The following CA14 variants were observed in gnomAD, a reference collection of about 807,000 sequenced individuals.
CA14 encodes carbonic anhydrase 14.
Under a neutral mutation model 48.8 loss-of-function variants are expected in CA14, and 44 were observed. The ratio of observed to expected loss-of-function variants is 0.90; its 90% CI spans 0.71 to 1.16. The LOEUF is 1.16. Among genes scored for constraint, CA14 ranks in the 50% most tolerant of loss-of-function variants. CA14 has a pLI of 0.00. For missense variants in CA14, 386 were observed against 401.0 expected (o/e 0.96, Z 0.32); for synonymous variants, 154 against 155.0 (o/e 0.99, Z 0.05).
chr1:150,261,599 G>C lies in CA14; in HGVS notation c.217G>C (p.Gly73Arg). The C allele has an allele frequency of 2.5e-6, 4 of 1,614,160 alleles. No individual in the cohort carries two copies. The highest frequency in any genetic ancestry group is 3.4e-6 in the Non-Finnish European group (4 of 1,180,038). The change falls in exon 3 of 11, where the codon GGC (glycine) becomes CGC (arginine). Residue 73 changes from glycine to arginine, a missense_variant. Transcript: ENST00000369111. Reference protein sequence around the residue: ...ALQPHGYDQPGTEPLDLHNNG... With the variant: ...ALQPHGYDQPRTEPLDLHNNG... ...GCAGCCCCACGGATATGACCAGCCT[G>C]GCACCGAGCCTTTGGACCTGCACAA...
intron 10 of CA14, 149 bp from the exon 11 acceptor site, chr1:150,264,444 C>G (rs1208682986): frequency 3.6e-6 from 2 of 550,642 alleles, no homozygotes; most frequent in Non-Finnish European, 6.5e-6. Flanking sequence ...CTCAAGTGAT[C>G]CGCCCGCCTC....
chr1:150,264,528 C>T, intron 10 of CA14, 65 bp from the exon 11 acceptor site: 2 of 923,022 alleles, frequency 2.2e-6, no homozygotes, highest in Admixed American at 1.8e-5. Flanking sequence ...AAGCATTCTC[C>T]TATTTCACCT....
chr1:150,262,327 C>G (rs1553848054), intron 4 of CA14, 27 bp downstream of exon 4: 1 of 1,578,368 alleles, frequency 6.3e-7, no homozygotes, highest in Non-Finnish European at 8.6e-7. Flanking sequence ...AGCTGGGACT[C>G]AGACAAAGTA....
chr1:150,259,388 G>A (rs974076888), intron 1 of CA14, among the ~76,000 whole-genome samples: 3 of 152,116 alleles, frequency 2.0e-5, no homozygotes, highest in Admixed American at 6.5e-5. Context: ...AGGACTGCAC[G>A]AGAGCCTGGC....
In CA14 at chr1:150,263,877, C is replaced by A. The variant is rs782689951; in HGVS notation, c.946C>A (p.Arg316=). Residue 316 remains arginine (R), a splice_region_variant and synonymous_variant, in exon 10 of 11, where the codon CGG becomes AGG. Coordinates refer to ENST00000369111, the MANE Select transcript of CA14 (RefSeq NM_012113.3). The stretch of plus-strand genomic sequence containing the variant: ...TGTTTATTTCATTGCTAGAAAGATT[C>A]GGTGAGGCCCTACTTTCCATTCCTC... ...LAVYFIARKI[R]KKRLENRKSV... 2 of 1,575,176 alleles carry A rather than the reference C, an allele frequency of 1.3e-6. No homozygotes were observed. Among genetic ancestry groups the A allele is most frequent in the Admixed American group, 3.4e-5 (2 of 59,594 alleles).
intron 4 of CA14, 78 bp from the exon 5 acceptor site, chr1:150,262,447 G>A: frequency 1.4e-6 from 2 of 1,478,522 alleles, no homozygotes; most frequent in Admixed American, 1.7e-5. Context: ...GGACAGCGGG[G>A]GGATGGTGGC....
chr1:150,263,206 G>A lies in CA14; in HGVS notation c.720+7G>A. 6.2e-7 allele frequency: 1 copy of A among 1,614,078 alleles called. No homozygotes were observed. Among genetic ancestry groups the A allele is most frequent in the Non-Finnish European group, 8.5e-7 (1 of 1,179,986 alleles). On this transcript the variant is annotated splice_region_variant and intron_variant, in intron 7 of 10. Transcript: ENST00000369111. Reference sequence around the variant, plus strand: ...CCAGATTTCAATGGAACAGGTAAGTGGTGGAGAAACGAGGTGAGGTGAGAC... The same window carrying A: ...CCAGATTTCAATGGAACAGGTAAGTAGTGGAGAAACGAGGTGAGGTGAGAC...
At position 150,262,237 on chromosome 1, in the gene CA14, G is replaced by A. The variant is rs1651100493; in HGVS notation, c.336G>A (p.Trp112Ter). 6.2e-7 allele frequency: 1 copy of A among 1,613,442 alleles called. No individual in the cohort carries two copies. The highest frequency in any genetic ancestry group is 2.2e-5 in the East Asian group (1 of 44,864). The change falls in exon 4 of 11, where the codon TGG becomes TGA. Residue 112 changes from tryptophan (W) to a stop codon, truncating the protein, a stop_gained. Transcript: ENST00000369111. LOFTEE classifies it high-confidence loss of function. The part of the protein sequence containing the change: ...KYVAAQLHLH[W>*]GQKGSPGGSE... ...TAGCTGCCCAGCTCCACCTGCACTG[G>A]GGTCAGAAAGGATCCCCAGGGGGGT... is the stretch of plus-strand genomic sequence containing the variant.
chr1:150,263,731 G>C (rs782155166), intron 9 of CA14, 52 bp downstream of exon 9: 2 of 1,612,520 alleles, frequency 1.2e-6, no homozygotes, highest in East Asian at 2.2e-5. Flanking sequence ...CTCACCGAGT[G>C]GGGGAAAGGC....
At chr1:150,264,005 AACCTCT>A in intron 10 of CA14, 127 bp downstream of exon 10, 1 of 706,080 alleles carries the variant, frequency 1.4e-6, no homozygotes, top group Non-Finnish European at 2.4e-6. Flanking sequence ...AGCTCACTGC[AACCTCT>A]GCCTTCTGGG....
chr1:150,258,118 C>T lies in CA14; in HGVS notation c.-11C>T. 6.2e-7 allele frequency: 1 copy of T among 1,607,338 alleles called. No individual in the cohort carries two copies. On this transcript the variant is annotated 5_prime_UTR_variant, in exon 1 of 11. Transcript: ENST00000369111. ...AAATTCCCAGTCCCCTGCACCCCTTCCTGGGACACTATGTTGTTCTCCGCC... is the reference window on the plus strand; with the variant it reads ...AAATTCCCAGTCCCCTGCACCCCTTTCTGGGACACTATGTTGTTCTCCGCC...
chr1:150,264,523 T>G (rs587680165), intron 10 of CA14, 70 bp from the exon 11 acceptor site: 5 of 888,898 alleles, frequency 5.6e-6, no homozygotes, highest in Non-Finnish European at 9.4e-6. Context: ...TTAAAAAGCA[T>G]TCTCCTATTT....
intron 9 of CA14, 45 bp downstream of exon 9, chr1:150,263,724 A>C (rs1553848599): frequency 2.5e-6 from 4 of 1,612,394 alleles, no homozygotes; most frequent in Non-Finnish European, 3.4e-6. Context: ...AGGTGTCCTC[A>C]CCGAGTGGGG....
chr1:150,263,719 T>C, intron 9 of CA14, 40 bp downstream of exon 9: 3 of 1,612,584 alleles, frequency 1.9e-6, no homozygotes, highest in Non-Finnish European at 2.5e-6. Context: ...AGGGGAGGTG[T>C]CCTCACCGAG....
chr1:150,264,364 A>G (rs1471517101), intron 10 of CA14, among the ~76,000 whole-genome samples: 1 of 151,692 alleles, frequency 6.6e-6, no homozygotes, highest in Non-Finnish European at 1.5e-5. Flanking sequence ...CACCATGCCC[A>G]GATAATTTTT....
chr1:150,262,981 C>G (rs1651200996), intron 6 of CA14, 61 bp from the exon 7 acceptor site: 6 of 1,603,204 alleles, frequency 3.7e-6, no homozygotes, highest in African/African-American at 1.3e-5. Context: ...CTTCTGGGAG[C>G]CCTATCTAGG....
At chr1:150,260,374 G>A in intron 2 of CA14, 1 of 681,680 alleles carries the variant, frequency 1.5e-6, no homozygotes, top group Non-Finnish European at 2.7e-6. Context: ...CTCCTGATTT[G>A]GCAGAAAAGC....
intron 1 of CA14, 68 bp downstream of exon 1, chr1:150,258,251 G>A (rs180794850): frequency 3.0e-6 from 4 of 1,321,864 alleles, no homozygotes; most frequent in East Asian, 2.4e-5. Context: ...TGTGCTTAAT[G>A]GGGGGAGGAG....
In CA14 at chr1:150,261,530, A is replaced by G. The variant is rs782234596; in HGVS notation, c.148A>G (p.Ile50Val). 2 of 1,614,174 alleles carry G rather than the reference A, an allele frequency of 1.2e-6. No homozygotes were observed. The highest frequency in any genetic ancestry group is 1.7e-6 in the Non-Finnish European group (2 of 1,180,030). ...CGNNAQSPIDIQTDSVTFDPD... is the reference protein window; with the variant it reads ...CGNNAQSPIDVQTDSVTFDPD... ...AAACAATGCCCAGTCGCCCATCGAT[A>G]TTCAGACAGACAGTGTGACATTTGA... The change falls in exon 3 of 11, where the codon ATT becomes GTT. Residue 50 changes from isoleucine to valine, a missense_variant. Transcript: ENST00000369111.
Sources: allele counts gnomAD v4.1 joint callset (sites outside exome capture counted in the v4.1 genomes callset), GRCh38; gene constraint gnomAD v4.1.1; transcripts MANE v1.5; gene names NCBI Gene and HGNC (gene_info 2026-07-23, HGNC 2026-07-21).